The following RASIP1 variants were observed in gnomAD, a reference collection of about 807,000 sequenced individuals.
The protein encoded by RASIP1 is Ras interacting protein 1.
In RASIP1, 20 loss-of-function variants were observed where a neutral mutation model predicts 85.3. The ratio of observed to expected loss-of-function variants is 0.23; its 90% CI spans 0.17 to 0.34. The LOEUF is 0.34. RASIP1 is among the 10% of genes least tolerant of loss of function. The pLI, the probability that RASIP1 is intolerant of heterozygous loss-of-function variation, is 1.00. For synonymous variants in RASIP1, 617 were observed against 647.1 expected (o/e 0.95, Z 0.71); for missense variants, 1,170 against 1,390.9 (o/e 0.84, Z 2.53).
intron 11 of RASIP1, 56 bp from the exon 12 acceptor site, chr19:48,721,053 A>G (rs2033225116): frequency 7.0e-7 from 1 of 1,425,012 alleles, no homozygotes; most frequent in Admixed American, 2.4e-5. Flanking sequence ...AGGTAGTTGC[A>G]TCGGGAAGAG....
rs1365364581 is a variant in RASIP1, at chr19:48,739,203, CG to C, written c.579del (p.Gly194AlafsTer176). 1 of 1,479,442 alleles carries C rather than the reference CG, an allele frequency of 6.8e-7. No homozygotes were observed. The highest frequency in any genetic ancestry group is 2.3e-4 in the Middle Eastern group (1 of 4,312). The allele number at this position is 1,479,442 out of a possible 1,614,324, so 91.6% of individuals were successfully genotyped here. A position where few individuals can be genotyped will look rare whatever the true frequency, so the allele number is the denominator to read the frequency against. On this transcript the variant is annotated frameshift_variant, in exon 3 of 12. Coordinates refer to ENST00000222145, the MANE Select transcript of RASIP1 (RefSeq NM_017805.3). LOFTEE classifies it high-confidence loss of function. The surrounding 1 kb of genome is among the most constrained non-coding windows in gnomAD (Gnocchi z 9.2). ...AAGGCGTCCACGCAGCTGCTCTCGC[CG>C]GGGCCACCGCCGGGGCTGCCTGCTA... is the stretch of plus-strand genomic sequence containing the variant. ...YGLAGSPGGG[P>X]GESSCVDAFA...
At chr19:48,735,070 A>G in intron 4 of RASIP1, 126 bp downstream of exon 4, 1 of 847,906 alleles carries the variant, frequency 1.2e-6, no homozygotes, top group South Asian at 1.8e-5. Flanking sequence ...ACCTTGAGGG[A>G]CCACGCCCCA....
In RASIP1 at chr19:48,720,853, T is replaced by G. The variant is rs1375574160; in HGVS notation, c.2837A>C (p.Gln946Pro). ...GCGATAATTGGCTGGCAGCTCCTGC[T>G]GCTCAAGATCCCAGAGGAGGCGGCG... ...RLRRLLWDLE[Q>P]QELPANYRHG... The change falls in exon 12 of 12, where the codon CAG becomes CCG. Residue 946 changes from glutamine to proline, a missense_variant. This residue lies in a region of RASIP1 where 144 missense variants were observed against 125.5 expected (regional missense o/e 1.15). Coordinates refer to ENST00000222145, the MANE Select transcript of RASIP1 (RefSeq NM_017805.3). 6.2e-7 allele frequency: 1 copy of G among 1,614,044 alleles called. No individual in the cohort carries two copies. The highest frequency in any genetic ancestry group is 1.1e-5 in the South Asian group (1 of 91,084).
At chr19:48,721,744 A>T in intron 11 of RASIP1, 110 bp downstream of exon 11, 2 of 1,345,810 alleles carry the variant, frequency 1.5e-6, no homozygotes, top group East Asian at 2.7e-5. Flanking sequence ...CAGAGGTTGC[A>T]GTGAGCCAAG....
In RASIP1 at chr19:48,729,466, G is replaced by A. The variant is rs375642036; in HGVS notation, c.1304C>T (p.Pro435Leu). 3.2e-6 allele frequency: 5 copies of A among 1,575,198 alleles called. No homozygotes were observed. Among genetic ancestry groups the A allele is most frequent in the Non-Finnish European group, 4.3e-6 (5 of 1,161,154 alleles). The change falls in exon 5 of 12, where the codon CCG (proline) becomes CTG (leucine). Residue 435 changes from proline to leucine, a missense_variant. Transcript: ENST00000222145. ...GCCCGCGCGCACTGTGCAGTGACGC[G>A]GCAGGATGTCCGGGGCGTTGAGGAA... ...DTFLNAPDIL[P>L]RHCTVRAGPE...
At chr19:48,732,944 C>T (rs2033490685) in intron 4 of RASIP1, among the ~76,000 whole-genome samples, 1 of 152,178 alleles carries the variant, frequency 6.6e-6, no homozygotes, top group African/African-American at 2.4e-5. Context: ...TGCCATTGGT[C>T]CCAGCTGTAC....
intron 4 of RASIP1, among the ~76,000 whole-genome samples, chr19:48,730,292 A>T (rs2033430978): frequency 6.6e-6 from 1 of 151,872 alleles, no homozygotes; most frequent in African/African-American, 2.4e-5. Context: ...CAACCTCCCG[A>T]GTAGTTGAGA....
chr19:48,727,940 G>A (rs984198978), intron 5 of RASIP1, among the ~76,000 whole-genome samples: 6 of 151,794 alleles, frequency 4.0e-5, no homozygotes, highest in African/African-American at 9.7e-5. Context: ...TGCCCGCCTC[G>A]GCCTCCCAAA....
In RASIP1 at chr19:48,724,820, C is replaced by T. The variant is rs762846127; in HGVS notation, c.2268G>A (p.Glu756=). Residue 756 remains glutamate, a synonymous_variant, in exon 9 of 12, where the codon GAG becomes GAA. Coordinates refer to ENST00000222145, the MANE Select transcript of RASIP1 (RefSeq NM_017805.3). The surrounding 1 kb of genome is among the most constrained non-coding windows in gnomAD (Gnocchi z 4.6). ...GGTGCAGCTCGCACTGGCTGGTCAGCTCCAAGGCTGCCTGGAACACGCCCA... is the reference window on the plus strand; with the variant it reads ...GGTGCAGCTCGCACTGGCTGGTCAGTTCCAAGGCTGCCTGGAACACGCCCA... The part of the protein sequence containing the change: ...PTLGVFQAAL[E]LTSQCELHPD... The T allele has an allele frequency of 6.2e-7, 1 of 1,614,238 alleles. No homozygotes were observed. Among genetic ancestry groups the T allele is most frequent in the East Asian group, 2.2e-5 (1 of 44,880 alleles).
chr19:48,737,112 G>A (rs2033587703), intron 3 of RASIP1, among the ~76,000 whole-genome samples: 1 of 152,186 alleles, frequency 6.6e-6, no homozygotes, highest in Non-Finnish European at 1.5e-5. Context: ...TGGATACTTT[G>A]TCGAGGGGGT....
intron 4 of RASIP1, among the ~76,000 whole-genome samples, chr19:48,733,617 G>A (rs930178116): frequency 6.6e-6 from 1 of 152,024 alleles, no homozygotes; most frequent in Non-Finnish European, 1.5e-5. Context: ...GACCAGCCTG[G>A]CCAACATGGC....
At position 48,720,734 on chromosome 19, in the gene RASIP1, G is replaced by A. The variant is rs1056747645; in HGVS notation, c.*64C>T. 74 of 1,526,702 alleles carry A rather than the reference G, an allele frequency of 4.8e-5. No individual in the cohort carries two copies. The Admixed American group carries it at 1.2e-3, about 25-fold the overall frequency. 94.6% of individuals were successfully genotyped at this position (1,526,702 alleles called of 1,614,324 possible). A position where few individuals can be genotyped will look rare whatever the true frequency, so the allele number is the denominator to read the frequency against. ...AACTCCCAGAAAGCTTTGCGCTCAG[G>A]CGGGCTCCTGTCCGTAGAAGCCCGT... On this transcript the variant is annotated 3_prime_UTR_variant, in exon 12 of 12. Transcript: ENST00000222145.
intron 4 of RASIP1, among the ~76,000 whole-genome samples, chr19:48,732,869 A>C (rs971967331): frequency 2.6e-5 from 4 of 152,176 alleles, no homozygotes; most frequent in African/African-American, 7.2e-5. Flanking sequence ...GACCGTAAAA[A>C]TGGAACTGTC....
chr19:48,721,909 G>A lies in RASIP1; in HGVS notation c.2637C>T (p.Arg879=), dbSNP rs772511586. Residue 879 remains arginine, a synonymous_variant, in exon 11 of 12, where the codon CGC becomes CGT. Transcript: ENST00000222145. ...GAGGGTCCCACGCGGCTGGCGGCCC[G>A]CGGCCAGGGCCCAGCTGATAGTGGC... ...LLSHYQLGPG[R]GPPAAWDPPP... is the part of the protein sequence containing the mutation. The A allele has an allele frequency of 3.9e-5, 62 of 1,603,686 alleles. No homozygotes were observed. Among genetic ancestry groups the A allele is most frequent in the Non-Finnish European group, 4.4e-5 (52 of 1,175,474 alleles).
At position 48,729,268 on chromosome 19, in the gene RASIP1, G is replaced by A. The variant is rs2033401641; in HGVS notation, c.1502C>T (p.Pro501Leu). ...RTGGSGPARPPWLPARPGATP... is the reference protein window; with the variant it reads ...RTGGSGPARPLWLPARPGATP... Reference sequence around the variant, plus strand: ...GGCCCCGGGGCGCGCGGGCAGCCACGGCGGCCTCGCAGGCCCCGAGCCCCC... The same window carrying A: ...GGCCCCGGGGCGCGCGGGCAGCCACAGCGGCCTCGCAGGCCCCGAGCCCCC... Residue 501 changes from proline (P) to leucine (L), a missense_variant, in exon 5 of 12, where the codon CCG becomes CTG. By Grantham distance (98) the Pro-to-Leu change is moderately conservative (BLOSUM62 -3). Transcript: ENST00000222145. 4.0e-6 allele frequency: 6 copies of A among 1,508,476 alleles called. No homozygotes were observed. Among genetic ancestry groups the A allele is most frequent in the Middle Eastern group, 1.8e-4 (1 of 5,576 alleles). 93.4% of individuals were successfully genotyped at this position (1,508,476 alleles called of 1,614,324 possible). A position where few individuals can be genotyped will look rare whatever the true frequency, so the allele number is the denominator to read the frequency against.
chr19:48,731,610 A>G (rs1422970207), intron 4 of RASIP1, among the ~76,000 whole-genome samples: 1 of 152,186 alleles, frequency 6.6e-6, no homozygotes, highest in African/African-American at 2.4e-5. Flanking sequence ...CCATAAATGT[A>G]GAACCACTCA....
In RASIP1 at chr19:48,738,985, C is replaced by G. The variant is rs2033623566; in HGVS notation, c.798G>C (p.Glu266Asp). The G allele has an allele frequency of 2.4e-6, 3 of 1,242,166 alleles. No homozygotes were observed. Among genetic ancestry groups the G allele is most frequent in the Admixed American group, 4.3e-5 (1 of 23,322 alleles). 76.9% of individuals were successfully genotyped at this position (1,242,166 alleles called of 1,614,324 possible). The change falls in exon 3 of 12, where the codon GAG becomes GAC. Residue 266 changes from glutamate (E) to aspartate (D), a missense_variant. Around this residue, in one of 4 missense-constraint regions of RASIP1, gnomAD observed 301 missense variants for 294.8 expected, o/e 1.02. Coordinates refer to ENST00000222145, the MANE Select transcript of RASIP1 (RefSeq NM_017805.3). This position sits in a 1 kb window ranked among gnomAD's most constrained non-coding sequence, Gnocchi z 4.0. ...GREEARRLEQ[E>D]AFGAADSEGT... ...CTTCGCTGTCCGCGGCCCCGAAGGCCTCCTGCTCCAGGCGCCGCGCCTCCT... is the reference window on the plus strand; with the variant it reads ...CTTCGCTGTCCGCGGCCCCGAAGGCGTCCTGCTCCAGGCGCCGCGCCTCCT...
Position 48,727,424 on chromosome 19 carries a change from T to A in RASIP1, c.1840A>T (p.Ile614Phe). 5 of 1,613,874 alleles carry A rather than the reference T, an allele frequency of 3.1e-6. No homozygotes were observed. The South Asian group carries it at 5.5e-5, about 18-fold the overall frequency. ...RLIKEAVWEK[I>F]KEIGDRQPEN... ...GGCTGACGGTCTCCAATTTCCTTAA[T>A]CTTTTCCTGTGGAACAGTAAGATCA... is the stretch of plus-strand genomic sequence containing the variant. Residue 614 changes from isoleucine to phenylalanine, a missense_variant, in exon 6 of 12, where the codon ATT becomes TTT. By Grantham distance (21) the Ile-to-Phe change is conservative. Around this residue, in one of 4 missense-constraint regions of RASIP1, gnomAD observed 426 missense variants for 576.2 expected, o/e 0.74. Transcript: ENST00000222145.
At position 48,740,005 on chromosome 19, in the gene RASIP1, AC is replaced by A; in HGVS notation, c.137+140del. Reference sequence around the variant, plus strand: ...CCGCGCCCTGGTATCACTGTGCCCCACCGTCTCCCCCTGCCCACCAGCTCGT... The same window carrying A: ...CCGCGCCCTGGTATCACTGTGCCCCACGTCTCCCCCTGCCCACCAGCTCGT... On this transcript the variant is annotated intron_variant, in intron 2 of 11. Coordinates refer to ENST00000222145, the MANE Select transcript of RASIP1 (RefSeq NM_017805.3). The surrounding 1 kb of genome is among the most constrained non-coding windows in gnomAD (Gnocchi z 5.5). 1.7e-6 allele frequency: 2 copies of A among 1,182,866 alleles called. No individual in the cohort carries two copies. Among genetic ancestry groups the A allele is most frequent in the South Asian group, 3.3e-5 (2 of 60,762 alleles). The allele number at this position is 1,182,866 out of a possible 1,614,324, so 73.3% of individuals were successfully genotyped here.
Sources: allele counts gnomAD v4.1 joint callset (sites outside exome capture counted in the v4.1 genomes callset), GRCh38; gene constraint gnomAD v4.1.1; regional missense constraint gnomAD v4.1.1; non-coding constraint Gnocchi (gnomAD v3.1); transcripts MANE v1.5; gene names NCBI Gene and HGNC (gene_info 2026-07-23, HGNC 2026-07-21).